PYGO1: variants seen among roughly 807,000 people sequenced by gnomAD.
PYGO1 encodes pygopus homolog 1.
In PYGO1, 6 loss-of-function variants were observed where a neutral mutation model predicts 29.5. That is an observed-to-expected ratio of 0.20 (90% confidence interval 0.11 to 0.40). The LOEUF is 0.40. PYGO1 is among the 10% of genes least tolerant of loss of function. PYGO1 has a pLI of 1.00. For missense variants in PYGO1, 515 were observed against 514.9 expected (o/e 1.00, Z 0.00); for synonymous variants, 186 against 180.5 (o/e 1.03, Z -0.24).
intron 1 of PYGO1, among the ~76,000 whole-genome samples, chr15:55,552,142 G>A (rs888586160): frequency 8.6e-5 from 13 of 151,908 alleles, no homozygotes; most frequent in African/African-American, 2.9e-4. Context: ...ATCACTTGAG[G>A]TCAGGAGTTC....
intron 1 of PYGO1, among the ~76,000 whole-genome samples, chr15:55,568,769 T>C (rs1271991360): frequency 6.6e-6 from 1 of 152,174 alleles, no homozygotes; most frequent in African/African-American, 2.4e-5. Context: ...GTTCGTTCGA[T>C]GCCTAGTTTG....
Position 55,582,086 on chromosome 15 carries a change from A to AAT in PYGO1, c.49+5747_49+5748dup, listed in dbSNP as rs2059027289. ...GCCGGGCGTGGTGGCACGTGCCTAT[A>AAT]ATCCCAGCTACTCTGGAGGCTGAGG... is the stretch of plus-strand genomic sequence containing the variant. On this transcript the variant is annotated intron_variant, in intron 1 of 2. Transcript: ENST00000563719. Among the ~76,000 whole-genome samples, 7 of 151,742 alleles carry AAT rather than the reference A, an allele frequency of 4.6e-5. No homozygotes were observed. The South Asian group carries it at 1.3e-3, about 27-fold the overall frequency.
In PYGO1 at chr15:55,556,314, C is replaced by A. The variant is rs748751864; in HGVS notation, c.50-7319G>T. Among the ~76,000 whole-genome samples the A allele has an allele frequency of 4.6e-5, 7 of 152,160 alleles. No individual in the cohort carries two copies. In the South Asian group the frequency reaches 1.5e-3, roughly 32 times the overall value. ...ATCATAACAGTCTCTCACACCACAG[C>A]GCAATCAAATGAGAACTCAAAACTA... On this transcript the variant is annotated intron_variant, in intron 1 of 2. Coordinates refer to ENST00000563719, the MANE Select transcript of PYGO1 (RefSeq NM_001367806.1).
rs1386733994 is a variant in PYGO1, at chr15:55,541,978, T to G, written c.*4045A>C. The G allele has an allele frequency of 1.3e-5, 2 of 152,130 alleles. No individual in the cohort carries two copies. Among genetic ancestry groups the G allele is most frequent in the East Asian group, 1.9e-4 (1 of 5,192 alleles). The allele number at this position is 152,130 out of a possible 1,614,324, so 9.4% of individuals were successfully genotyped here. A position where few individuals can be genotyped will look rare whatever the true frequency, so the allele number is the denominator to read the frequency against. ...TCCAAGCCACTATTTACAAATGAACTTAGGGAGCCTGATGCCTTTAAATTT... is the reference window on the plus strand; with the variant it reads ...TCCAAGCCACTATTTACAAATGAACGTAGGGAGCCTGATGCCTTTAAATTT... On this transcript the variant is annotated 3_prime_UTR_variant, in exon 3 of 3. Transcript: ENST00000563719.
At chr15:55,566,717 A>C (rs2058958412) in intron 1 of PYGO1, among the ~76,000 whole-genome samples, 1 of 152,154 alleles carries the variant, frequency 6.6e-6, no homozygotes. Context: ...TTTTCTCCAC[A>C]GGCCTTATCA....
intron 2 of PYGO1, among the ~76,000 whole-genome samples, chr15:55,548,396 C>A (rs2058861989): frequency 6.6e-6 from 1 of 151,412 alleles, no homozygotes; most frequent in African/African-American, 2.4e-5. Flanking sequence ...ACAATAGCCA[C>A]TAGTTACAGA....
rs768574871 is a variant in PYGO1 at position 55,546,229 on chromosome 15, C to T, written c.1054G>A (p.Asp352Asn). 3.1e-6 allele frequency: 5 copies of T among 1,614,178 alleles called. No individual in the cohort carries two copies. The South Asian group carries it at 4.4e-5, about 14-fold the overall frequency. ...PCGICTNEVN[D>N]DQDAILCEAS... ...TCACATAAGATGGCATCCTGATCATCGTTCACCTCGTTTGTACAAATTCCA... is the reference window on the plus strand; with the variant it reads ...TCACATAAGATGGCATCCTGATCATTGTTCACCTCGTTTGTACAAATTCCA... Residue 352 changes from aspartate (D) to asparagine (N), a missense_variant, in exon 3 of 3, where the codon GAT (aspartate) becomes AAT (asparagine). Transcript: ENST00000563719.
Position 55,543,682 on chromosome 15 carries a change from T to G in PYGO1, c.*2341A>C, listed in dbSNP as rs1388177800. 1 of 152,178 alleles carries G rather than the reference T, an allele frequency of 6.6e-6. No individual in the cohort carries two copies. Among genetic ancestry groups the G allele is most frequent in the Non-Finnish European group, 1.5e-5 (1 of 68,022 alleles). 9.4% of individuals were successfully genotyped at this position (152,178 alleles called of 1,614,324 possible). On this transcript the variant is annotated 3_prime_UTR_variant, in exon 3 of 3. Transcript: ENST00000563719. ...GGTTTAAGAAACTGCATAATTGATT[T>G]TAGTAATGATCACAACTCAAGTACT... is the stretch of plus-strand genomic sequence containing the variant.
Position 55,587,847 on chromosome 15 carries a change from T to C in PYGO1, c.37A>G (p.Lys13Glu). Residue 13 changes from lysine (K) to glutamate (E), a missense_variant, in exon 1 of 3, where the codon AAG becomes GAG. Coordinates refer to ENST00000563719, the MANE Select transcript of PYGO1 (RefSeq NM_001367806.1). The stretch of plus-strand genomic sequence containing the variant: ...CCTTCTCGGTTACCTCGAACTCTCT[T>C]CAGCGAAATGGGATCCTTCTCCTGT... Reference protein sequence around the residue: ...AEQEKDPISLKRVRGGDSGLD... With the variant: ...AEQEKDPISLERVRGGDSGLD... 1 of 1,493,498 alleles carries C rather than the reference T, an allele frequency of 6.7e-7. No individual in the cohort carries two copies. The highest frequency in any genetic ancestry group is 8.9e-7 in the Non-Finnish European group (1 of 1,124,484). The allele number at this position is 1,493,498 out of a possible 1,614,324, so 92.5% of individuals were successfully genotyped here.
intron 2 of PYGO1, among the ~76,000 whole-genome samples, chr15:55,547,634 A>C (rs1401840582): frequency 2.0e-5 from 3 of 152,186 alleles, no homozygotes; most frequent in African/African-American, 7.2e-5. Flanking sequence ...CAAAACATTA[A>C]GTTCTGGGCC....
At position 55,542,960 on chromosome 15, in the gene PYGO1, A is replaced by C. The variant is rs142450413; in HGVS notation, c.*3063T>G. ...AACAAAACAAAACAAAACAAAAAAA[A>C]CAAAAAAAAACCCACCTTTCTGTCA... On this transcript the variant is annotated 3_prime_UTR_variant, in exon 3 of 3. Coordinates refer to ENST00000563719, the MANE Select transcript of PYGO1 (RefSeq NM_001367806.1). 0.081 allele frequency: 10,449 copies of C among 128,582 alleles called. 1,078 individuals carry two copies. The highest frequency in any genetic ancestry group is 0.28 in the African/African-American group (9,188 of 33,394). The allele number at this position is 128,582 out of a possible 1,614,324, so 8.0% of individuals were successfully genotyped here.
intron 1 of PYGO1, among the ~76,000 whole-genome samples, chr15:55,575,796 A>G (rs955307480): frequency 1.3e-5 from 2 of 152,134 alleles, no homozygotes; most frequent in Admixed American, 6.5e-5. Context: ...CCAGGCCTAC[A>G]GGGCTGCTCT....
chr15:55,568,707 T>A (rs930464930), intron 1 of PYGO1, among the ~76,000 whole-genome samples: 3 of 152,188 alleles, frequency 2.0e-5, no homozygotes, highest in African/African-American at 7.2e-5. Context: ...GCCTATACAG[T>A]ATGATGCTGG....
chr15:55,588,092 G>C lies in PYGO1; in HGVS notation c.-209C>G. ...CGGGGCGGCGGGGCGGCGGGGCGGCGTGCGGGCACCGGCGGGGCTCAGCGG... is the reference window on the plus strand; with the variant it reads ...CGGGGCGGCGGGGCGGCGGGGCGGCCTGCGGGCACCGGCGGGGCTCAGCGG... On this transcript the variant is annotated 5_prime_UTR_variant, in exon 1 of 3. Coordinates refer to ENST00000563719, the MANE Select transcript of PYGO1 (RefSeq NM_001367806.1). 2 of 1,020,360 alleles carry C rather than the reference G, an allele frequency of 2.0e-6. No homozygotes were observed. The highest frequency in any genetic ancestry group is 2.3e-6 in the Non-Finnish European group (2 of 851,134). 63.2% of individuals were successfully genotyped at this position (1,020,360 alleles called of 1,614,324 possible). A position where few individuals can be genotyped will look rare whatever the true frequency, so the allele number is the denominator to read the frequency against.
intron 1 of PYGO1, among the ~76,000 whole-genome samples, chr15:55,584,956 T>C (rs561241888): frequency 3.9e-5 from 6 of 152,290 alleles, no homozygotes; most frequent in Non-Finnish European, 4.4e-5. Context: ...CTGGGGATCT[T>C]GTTAAAGATG....
At position 55,539,937 on chromosome 15, in the gene PYGO1, T is replaced by C. The variant is rs1308320081; in HGVS notation, c.*6086A>G. On this transcript the variant is annotated 3_prime_UTR_variant, in exon 3 of 3. Coordinates refer to ENST00000563719, the MANE Select transcript of PYGO1 (RefSeq NM_001367806.1). ...TAAAATTTGAATTTTTAAAAAGATA[T>C]GCAGTTTAAGCACTCACAAGCCTTC... 1.3e-5 allele frequency: 2 copies of C among 152,094 alleles called. No individual in the cohort carries two copies. Among genetic ancestry groups the C allele is most frequent in the Admixed American group, 6.5e-5 (1 of 15,274 alleles). 9.4% of individuals were successfully genotyped at this position (152,094 alleles called of 1,614,324 possible).
chr15:55,548,737 A>G lies in PYGO1; in HGVS notation c.135+173T>C, dbSNP rs1191461694. Reference sequence around the variant, plus strand: ...AAAAAAAAAAAAAAAAAAAAAAAAAAAAAAAAAAAAAAGAAAGTACCATCA... The same window carrying G: ...AAAAAAAAAAAAAAAAAAAAAAAAAGAAAAAAAAAAAAGAAAGTACCATCA... On this transcript the variant is annotated intron_variant, in intron 2 of 2. Coordinates refer to ENST00000563719, the MANE Select transcript of PYGO1 (RefSeq NM_001367806.1). Among the ~76,000 whole-genome samples the G allele has an allele frequency of 4.6e-5, 5 of 107,578 alleles. No individual in the cohort carries two copies. The East Asian group carries it at 8.4e-4, about 18-fold the overall frequency. The allele number at this position is 107,578 out of a possible 152,430, so 70.6% of individuals were successfully genotyped here. A position where few individuals can be genotyped will look rare whatever the true frequency, so the allele number is the denominator to read the frequency against.
intron 1 of PYGO1, among the ~76,000 whole-genome samples, chr15:55,565,117 T>C (rs1158259028): frequency 6.6e-6 from 1 of 152,164 alleles, no homozygotes; most frequent in East Asian, 1.9e-4. Context: ...TTAGTTCAGG[T>C]CCGCCCAGTT....
intron 1 of PYGO1, among the ~76,000 whole-genome samples, chr15:55,559,055 G>C (rs952381637): frequency 3.3e-5 from 5 of 152,050 alleles, no homozygotes; most frequent in African/African-American, 1.2e-4. Context: ...GCAACCTACA[G>C]AATGGGAGAA....
Sources: gnomAD v4.1 joint callset for allele counts (sites outside exome capture counted in the v4.1 genomes callset) on GRCh38, gnomAD v4.1.1 for gene constraint, MANE v1.5 for transcripts, NCBI Gene and HGNC (gene_info 2026-07-23, HGNC 2026-07-21) for gene names.